The following RAD51B variants were observed in gnomAD, a reference collection of about 807,000 sequenced individuals.
The protein encoded by RAD51B is RAD51 paralog B.
In RAD51B, 38 loss-of-function variants were observed where a neutral mutation model predicts 42.2. The observed-to-expected ratio is 0.90, with a 90% CI of 0.70 to 1.18. RAD51B has a LOEUF of 1.18. Among genes scored for constraint, RAD51B ranks in the 50% most tolerant of loss-of-function variants. The pLI, the probability that RAD51B is intolerant of heterozygous loss-of-function variation, is 0.00. For synonymous variants in RAD51B, 154 were observed against 145.2 expected, an observed-to-expected ratio of 1.06 and a Z score of -0.43; for missense variants, 373 against 400.7, an observed-to-expected ratio of 0.93 and a Z score of 0.59.
At chr14:68,584,505 C>A (rs1192425938) in intron 10 of RAD51B, among the ~76,000 whole-genome samples, 1 of 152,208 alleles carries the variant, frequency 6.6e-6, no homozygotes, top group Non-Finnish European at 1.5e-5. Flanking sequence ...CTGCCCTGAT[C>A]AGCCTTCCCT....
At chr14:68,143,152 G>A (rs1391316437) in intron 7 of RAD51B, among the ~76,000 whole-genome samples, 2 of 152,132 alleles carry the variant, frequency 1.3e-5, no homozygotes, top group Non-Finnish European at 2.9e-5. Context: ...CTAAGTTTTG[G>A]TGTGTTTTTA....
At chr14:68,504,401 C>G (rs1465002008) in intron 10 of RAD51B, among the ~76,000 whole-genome samples, 1 of 152,224 alleles carries the variant, frequency 6.6e-6, no homozygotes, top group Non-Finnish European at 1.5e-5. Flanking sequence ...GGCATGGTTT[C>G]CATTTGTGTA....
chr14:67,873,456 G>A (rs1363154475), intron 5 of RAD51B, among the ~76,000 whole-genome samples: 5 of 149,518 alleles, frequency 3.3e-5, no homozygotes, highest in African/African-American at 1.2e-4. Context: ...TGGAGAGGAT[G>A]TGGAGAAATA....
intron 7 of RAD51B, among the ~76,000 whole-genome samples, chr14:68,282,347 T>C (rs1372938625): frequency 2.0e-5 from 3 of 152,124 alleles, no homozygotes; most frequent in Non-Finnish European, 2.9e-5. Context: ...GTAACCATGA[T>C]AGAAGATCTC....
intron 10 of RAD51B, among the ~76,000 whole-genome samples, chr14:68,504,067 C>T (rs763115730): frequency 1.3e-5 from 2 of 152,088 alleles, no homozygotes; most frequent in Non-Finnish European, 2.9e-5. Flanking sequence ...CTTCTGAAGT[C>T]GGTAGATGCA....
intron 10 of RAD51B, among the ~76,000 whole-genome samples, chr14:68,522,636 T>A (rs908028896): frequency 6.6e-6 from 1 of 152,210 alleles, no homozygotes; most frequent in Admixed American, 6.5e-5. Flanking sequence ...TTAGGAAAGC[T>A]GAAACCTGCC....
chr14:68,184,929 T>C (rs541875811), intron 7 of RAD51B, among the ~76,000 whole-genome samples: 2 of 152,336 alleles, frequency 1.3e-5, no homozygotes, highest in African/African-American at 4.8e-5. Flanking sequence ...TCATTACACA[T>C]GTGAAAATTT....
At chr14:68,289,145 T>G (rs1395320319) in intron 7 of RAD51B, among the ~76,000 whole-genome samples, 1 of 152,240 alleles carries the variant, frequency 6.6e-6, no homozygotes, top group Non-Finnish European at 1.5e-5. Flanking sequence ...TAGAACCAAC[T>G]GCCTGGAGCC....
intron 7 of RAD51B, among the ~76,000 whole-genome samples, chr14:68,113,420 G>A (rs890974091): frequency 2.0e-5 from 3 of 152,040 alleles, no homozygotes; most frequent in African/African-American, 7.2e-5. Context: ...TCTACAAGAA[G>A]GCTCTTCCTC....
At chr14:68,280,900 A>G (rs1011841971) in intron 7 of RAD51B, among the ~76,000 whole-genome samples, 5 of 152,122 alleles carry the variant, frequency 3.3e-5, no homozygotes, top group African/African-American at 1.2e-4. Flanking sequence ...TCTACAAAAA[A>G]TAAAACATTG....
chr14:68,254,044 A>G (rs971175955), intron 7 of RAD51B, among the ~76,000 whole-genome samples: 1 of 152,042 alleles, frequency 6.6e-6, no homozygotes, highest in Non-Finnish European at 1.5e-5. Flanking sequence ...TAATTTTTCT[A>G]TTTGTCAGTG....
At chr14:67,841,108 T>C (rs1204597073) in intron 4 of RAD51B, among the ~76,000 whole-genome samples, 2 of 152,214 alleles carry the variant, frequency 1.3e-5, no homozygotes, top group Non-Finnish European at 2.9e-5. Flanking sequence ...CCATTTTGAC[T>C]TCTTAATAAT....
At chr14:68,559,202 C>T (rs1889018409) in intron 10 of RAD51B, among the ~76,000 whole-genome samples, 1 of 151,454 alleles carries the variant, frequency 6.6e-6, no homozygotes, top group African/African-American at 2.4e-5. Context: ...TAGGTAATTA[C>T]CTATCTATAC....
intron 4 of RAD51B, among the ~76,000 whole-genome samples, chr14:67,853,234 C>T (rs757114053): frequency 3.9e-5 from 6 of 152,176 alleles, no homozygotes; most frequent in Non-Finnish European, 8.8e-5. Context: ...TTCTTACTCC[C>T]AACCTCCAGA....
At chr14:67,944,351 C>T (rs2045315749) in intron 7 of RAD51B, among the ~76,000 whole-genome samples, 1 of 151,982 alleles carries the variant, frequency 6.6e-6, no homozygotes, top group African/African-American at 2.4e-5. Flanking sequence ...TCTTTCAAAA[C>T]ATTGCCTTAT....
At chr14:68,031,622 A>C (rs541060583) in intron 7 of RAD51B, among the ~76,000 whole-genome samples, 5 of 152,242 alleles carry the variant, frequency 3.3e-5, no homozygotes, top group African/African-American at 1.2e-4. Flanking sequence ...TGAGGTTAGG[A>C]GTTTAAGACC....
chr14:67,831,576 G>A (rs903906941), intron 3 of RAD51B, among the ~76,000 whole-genome samples: 1 of 151,980 alleles, frequency 6.6e-6, no homozygotes, highest in African/African-American at 2.4e-5. Context: ...TGCTCTTGTT[G>A]CCCAGGCTGG....
At chr14:68,213,560 A>C (rs2079754631) in intron 7 of RAD51B, among the ~76,000 whole-genome samples, 1 of 152,224 alleles carries the variant, frequency 6.6e-6, no homozygotes, top group Non-Finnish European at 1.5e-5. Flanking sequence ...TAATAAGGAA[A>C]AGATTTAGGG....
At chr14:68,085,635 G>A (rs2140500189) in intron 7 of RAD51B, among the ~76,000 whole-genome samples, 1 of 152,294 alleles carries the variant, frequency 6.6e-6, no homozygotes, top group Middle Eastern at 3.4e-3. Flanking sequence ...AGCCTTTTTG[G>A]TAGTCTGGTA....
Sources: allele counts gnomAD v4.1 joint callset (sites outside exome capture counted in the v4.1 genomes callset), GRCh38; gene constraint gnomAD v4.1.1; transcripts MANE v1.5; gene names NCBI Gene and HGNC (gene_info 2026-07-23, HGNC 2026-07-21).